SHLD1: variants seen among roughly 807,000 people sequenced by gnomAD.
The protein encoded by SHLD1 is RINN1-REV7-interacting novel NHEJ regulator 3.
A neutral mutation model predicts 5.5 loss-of-function variants in SHLD1; 3 were observed. The ratio of observed to expected loss-of-function variants is 0.54; its 90% CI spans 0.25 to 1.40. SHLD1 has a LOEUF of 1.40. Among genes scored for constraint, SHLD1 ranks in the 40% most tolerant of loss-of-function variants. The probability of loss-of-function intolerance (pLI) is 0.15; values close to 1 mark genes in which losing one functional copy is unlikely to be tolerated. For missense variants in SHLD1, 210 were observed against 244.4 expected, an observed-to-expected ratio of 0.86 and a Z score of 0.94; for synonymous variants, 92 against 94.3, an observed-to-expected ratio of 0.98 and a Z score of 0.14.
rs867905206 is a variant in SHLD1 at position 5,792,680 on chromosome 20, A to T, written c.178+19637A>T. On this transcript the variant is annotated intron_variant, in intron 2 of 2. Transcript: ENST00000303142. ...GGTGATCTGCCGTTTTCTTTTTTTT[A>T]AAAAAAAAAAAGAAAAAGAGTCTTG... Among the ~76,000 whole-genome samples, 69 of 71,664 alleles carry T rather than the reference A, an allele frequency of 9.6e-4. 1 individual carries two copies. The highest frequency in any genetic ancestry group is 9.1e-3 in the Middle Eastern group (1 of 110). 47.0% of individuals were successfully genotyped at this position (71,664 alleles called of 152,430 possible). A position where few individuals can be genotyped will look rare whatever the true frequency, so the allele number is the denominator to read the frequency against.
At chr20:5,796,774 A>G (rs1322708071) in intron 2 of SHLD1, among the ~76,000 whole-genome samples, 5 of 151,274 alleles carry the variant, frequency 3.3e-5, no homozygotes, top group Non-Finnish European at 5.9e-5. Context: ...GGTTGCAGTG[A>G]GCCATAATTG....
intron 2 of SHLD1, among the ~76,000 whole-genome samples, chr20:5,784,967 C>T (rs775868410): frequency 3.9e-5 from 6 of 152,192 alleles, no homozygotes; most frequent in Non-Finnish European, 7.3e-5. Flanking sequence ...ACTTATCTGC[C>T]GAGTCCAGGT....
At chr20:5,853,500 T>C (rs887611425) in intron 2 of SHLD1, among the ~76,000 whole-genome samples, 1 of 152,132 alleles carries the variant, frequency 6.6e-6, no homozygotes, top group Non-Finnish European at 1.5e-5. Context: ...ATTTAGGTGA[T>C]ATTAGGTTTG....
chr20:5,844,799 A>ATATTT (rs1460082835), intron 2 of SHLD1, among the ~76,000 whole-genome samples: 54 of 71,712 alleles, frequency 7.5e-4, no homozygotes, highest in East Asian at 3.4e-3. Flanking sequence ...ATATATATAT[A>ATATTT]TTTTTTTTTT....
intron 2 of SHLD1, among the ~76,000 whole-genome samples, chr20:5,821,918 C>T (rs972004237): frequency 6.6e-6 from 1 of 152,124 alleles, no homozygotes; most frequent in African/African-American, 2.4e-5. Context: ...GATCTCATCT[C>T]AGACATGATG....
At position 5,815,271 on chromosome 20, in the gene SHLD1, T is replaced by G. The variant is rs73596809; in HGVS notation, c.178+42228T>G. 7.9e-3 allele frequency among the ~76,000 whole-genome samples: 1,203 copies of G among 152,328 alleles called. 10 individuals carry two copies. The highest frequency in any genetic ancestry group is 0.028 in the African/African-American group (1,166 of 41,568). ...CAGAAGCTCTGATTTAATTGGTATATAGGGCAGCCTGGGAATCAGGATTTT... is the reference window on the plus strand; with the variant it reads ...CAGAAGCTCTGATTTAATTGGTATAGAGGGCAGCCTGGGAATCAGGATTTT... On this transcript the variant is annotated intron_variant, in intron 2 of 2. Coordinates refer to ENST00000303142, the MANE Select transcript of SHLD1 (RefSeq NM_152504.4).
At chr20:5,843,872 G>T (rs1437140607) in intron 2 of SHLD1, among the ~76,000 whole-genome samples, 1 of 152,122 alleles carries the variant, frequency 6.6e-6, no homozygotes, top group Non-Finnish European at 1.5e-5. Flanking sequence ...CTCACTTCTA[G>T]CCCTTAATAA....
intron 2 of SHLD1, among the ~76,000 whole-genome samples, chr20:5,833,342 T>G (rs1053320677): frequency 6.6e-6 from 1 of 152,238 alleles, no homozygotes; most frequent in African/African-American, 2.4e-5. Context: ...GTGTACAGAT[T>G]ATTTCGGACT....
At chr20:5,766,503 C>A (rs1984835602) in intron 1 of SHLD1, among the ~76,000 whole-genome samples, 1 of 152,280 alleles carries the variant, frequency 6.6e-6, no homozygotes, top group African/African-American at 2.4e-5. Context: ...TATGCAGACA[C>A]AGGATGCTGG....
chr20:5,775,922 G>GGTTTTTTTTTTTTTTTT (rs1391999872), intron 2 of SHLD1, among the ~76,000 whole-genome samples: 1 of 63,446 alleles, frequency 1.6e-5, no homozygotes, highest in African/African-American at 9.2e-5. Flanking sequence ...GTCAGCTCAG[G>GGTTTTTTTTTTTTTTTT]ATTTTTTTTT....
chr20:5,798,828 C>A (rs1228554948), intron 2 of SHLD1, among the ~76,000 whole-genome samples: 1 of 151,960 alleles, frequency 6.6e-6, no homozygotes, highest in Non-Finnish European at 1.5e-5. Context: ...CCGGGTTAGC[C>A]AGGATGGTCT....
intron 2 of SHLD1, among the ~76,000 whole-genome samples, chr20:5,805,177 G>C (rs2087354811): frequency 6.6e-6 from 1 of 152,152 alleles, no homozygotes; most frequent in Non-Finnish European, 1.5e-5. Flanking sequence ...TTGTTTTTGA[G>C]ATGGAGTTTC....
chr20:5,791,978 T>C (rs1213300730), intron 2 of SHLD1, among the ~76,000 whole-genome samples: 1 of 152,222 alleles, frequency 6.6e-6, no homozygotes, highest in Non-Finnish European at 1.5e-5. Flanking sequence ...ATTTTCCACA[T>C]GTTTATTGGC....
At chr20:5,860,494 A>C (rs1161963965) in intron 2 of SHLD1, among the ~76,000 whole-genome samples, 1 of 152,226 alleles carries the variant, frequency 6.6e-6, no homozygotes, top group African/African-American at 2.4e-5. Context: ...AGAAATTAAC[A>C]GTGATGCATT....
At chr20:5,830,501 C>T (rs2087715669) in intron 2 of SHLD1, among the ~76,000 whole-genome samples, 1 of 152,042 alleles carries the variant, frequency 6.6e-6, no homozygotes, top group African/African-American at 2.4e-5. Flanking sequence ...CCAACATGGA[C>T]CAACATGACC....
intron 2 of SHLD1, among the ~76,000 whole-genome samples, chr20:5,804,027 A>G (rs2087338205): frequency 6.6e-6 from 1 of 151,754 alleles, no homozygotes; most frequent in Admixed American, 6.6e-5. Context: ...TCATTACTGT[A>G]TGGCCGGGCG....
chr20:5,802,882 T>G (rs763253259), intron 2 of SHLD1, among the ~76,000 whole-genome samples: 33 of 152,172 alleles, frequency 2.2e-4, no homozygotes, highest in Non-Finnish European at 3.8e-4. Flanking sequence ...GTGCCCGGCC[T>G]CTTGAGCTTT....
In SHLD1 at chr20:5,855,729, T is replaced by C. The variant is rs2088074573; in HGVS notation, c.179-7295T>C. ...TTGATAGCTGGGTTGCTTCTAACTC[T>C]TGGCTAATGTGAATATGAGAAATGC... On this transcript the variant is annotated intron_variant, in intron 2 of 2. Coordinates refer to ENST00000303142, the MANE Select transcript of SHLD1 (RefSeq NM_152504.4). The surrounding 1 kb of genome is among the most constrained non-coding windows in gnomAD (Gnocchi z 4.4). 2.6e-5 allele frequency among the ~76,000 whole-genome samples: 4 copies of C among 152,198 alleles called. No homozygotes were observed. Among genetic ancestry groups the C allele is most frequent in the Admixed American group, 2.6e-4 (4 of 15,276 alleles).
chr20:5,812,568 ATT>A (rs1476368975), intron 2 of SHLD1, among the ~76,000 whole-genome samples: 1 of 152,192 alleles, frequency 6.6e-6, no homozygotes, highest in Non-Finnish European at 1.5e-5. Flanking sequence ...GCTCAGTACA[ATT>A]GTGTCTTTGC....
Sources: gnomAD v4.1 joint callset for allele counts (sites outside exome capture counted in the v4.1 genomes callset) on GRCh38, gnomAD v4.1.1 for gene constraint, Gnocchi (gnomAD v3.1) non-coding constraint, MANE v1.5 for transcripts, NCBI Gene and HGNC (gene_info 2026-07-23, HGNC 2026-07-21) for gene names.